Variants in MAP2 observed in about 807,000 individuals in gnomAD.
MAP2 encodes the protein microtubule associated protein 2.
In MAP2, 14 loss-of-function variants were observed where a neutral mutation model predicts 137.6. The observed-to-expected ratio is 0.10, with a 90% CI of 0.07 to 0.16. MAP2 has a LOEUF of 0.16. Ranked by LOEUF, MAP2 falls within the 10% of genes least tolerant of loss-of-function variation. The probability of loss-of-function intolerance (pLI) is 1.00; values close to 1 mark genes in which losing one functional copy is unlikely to be tolerated. For synonymous variants in MAP2, 786 were observed against 782.3 expected (o/e 1.00, Z -0.08); for missense variants, 2,088 against 2,191.5 (o/e 0.95, Z 0.94).
At chr2:209,584,910 C>T (rs1035609535) in intron 3 of MAP2, among the ~76,000 whole-genome samples, 1 of 152,144 alleles carries the variant, frequency 6.6e-6, no homozygotes, top group Non-Finnish European at 1.5e-5. Context: ...GAGAAAGTAG[C>T]TGAGAGCTAC....
intron 4 of MAP2, among the ~76,000 whole-genome samples, chr2:209,637,159 C>T (rs1048597905): frequency 6.6e-6 from 1 of 152,106 alleles, no homozygotes; most frequent in Non-Finnish European, 1.5e-5. Flanking sequence ...AGGAGCAGTT[C>T]TGGCCGGGTG....
chr2:209,646,883 G>A (rs1509469), intron 4 of MAP2, among the ~76,000 whole-genome samples: 34,153 of 151,804 alleles, frequency 0.22, 6,353 homozygotes, highest in African/African-American at 0.5. Flanking sequence ...TAAATTAATA[G>A]AACATTTGGT....
At chr2:209,585,683 A>G (rs1444216901) in intron 3 of MAP2, among the ~76,000 whole-genome samples, 1 of 152,136 alleles carries the variant, frequency 6.6e-6, no homozygotes, top group Non-Finnish European at 1.5e-5. Flanking sequence ...TTAAATCCCT[A>G]CTGTTTCCAG....
At chr2:209,462,617 GCT>G (rs906137965) in intron 1 of MAP2, among the ~76,000 whole-genome samples, 10 of 152,106 alleles carry the variant, frequency 6.6e-5, no homozygotes, top group Non-Finnish European at 1.5e-4. Context: ...ACCGCACCAT[GCT>G]CTTACTTTGG....
At chr2:209,588,590 A>G (rs2078383802) in intron 3 of MAP2, among the ~76,000 whole-genome samples, 1 of 152,156 alleles carries the variant, frequency 6.6e-6, no homozygotes. Flanking sequence ...CAAGGTGAAC[A>G]ATGGTTGTAC....
At chr2:209,710,497 GACTA>G in intron 13 of MAP2, 1 of 454,656 alleles carries the variant, frequency 2.2e-6, no homozygotes, top group Non-Finnish European at 3.9e-6. Flanking sequence ...TTAGTTGATT[GACTA>G]ACTTTTTTTT....
At chr2:209,513,190 A>G (rs1418576983) in intron 2 of MAP2, among the ~76,000 whole-genome samples, 1 of 152,146 alleles carries the variant, frequency 6.6e-6, no homozygotes, top group Non-Finnish European at 1.5e-5. Context: ...GCTTTCCAGA[A>G]TCAAGACAAA....
chr2:209,486,507 C>T (rs991468671), intron 1 of MAP2, among the ~76,000 whole-genome samples: 3 of 152,132 alleles, frequency 2.0e-5, no homozygotes, highest in African/African-American at 4.8e-5. Context: ...CGGGCATGAG[C>T]CGCCACACCC....
intron 13 of MAP2, among the ~76,000 whole-genome samples, chr2:209,719,270 G>A (rs1407427641): frequency 1.3e-5 from 2 of 152,160 alleles, no homozygotes; most frequent in South Asian, 2.1e-4. Flanking sequence ...GGATGCCTGA[G>A]GGGGTCTAGA....
At chr2:209,696,502 C>T in intron 8 of MAP2, 40 bp from the exon 9 acceptor site, 2 of 1,533,014 alleles carry the variant, frequency 1.3e-6, no homozygotes, top group Non-Finnish European at 1.8e-6. Context: ...CTAATGTTTT[C>T]ACTGTTGTTG....
At chr2:209,633,004 C>T (rs1357021186) in intron 4 of MAP2, among the ~76,000 whole-genome samples, 1 of 152,104 alleles carries the variant, frequency 6.6e-6, no homozygotes, top group Non-Finnish European at 1.5e-5. Context: ...GTCTAAAGCT[C>T]CAAACATATT....
At chr2:209,561,711 A>G (rs1014939209) in intron 2 of MAP2, among the ~76,000 whole-genome samples, 1 of 152,216 alleles carries the variant, frequency 6.6e-6, no homozygotes, top group African/African-American at 2.4e-5. Flanking sequence ...AAATTTTAAA[A>G]CAATCCAATC....
intron 7 of MAP2, among the ~76,000 whole-genome samples, chr2:209,688,709 C>T (rs2057918403): frequency 6.6e-6 from 1 of 152,106 alleles, no homozygotes; most frequent in Non-Finnish European, 1.5e-5. Flanking sequence ...CAATGTGTCT[C>T]ATTCTAACTA....
At chr2:209,433,128 A>G (rs562228355) in intron 1 of MAP2, among the ~76,000 whole-genome samples, 2 of 152,288 alleles carry the variant, frequency 1.3e-5, no homozygotes, top group East Asian at 3.9e-4. Flanking sequence ...AGAAGAAACC[A>G]CATAAATTCC....
In MAP2 at chr2:209,731,041, C is replaced by G. The variant is rs1354591845; in HGVS notation, c.*644C>G. The stretch of plus-strand genomic sequence containing the variant: ...TTGAGGAAGTGGTGTAAAAGTGCAT[C>G]CATTAGGAATGATGCACTTTCATTA... On this transcript the variant is annotated 3_prime_UTR_variant, in exon 16 of 16. Transcript: ENST00000682079. The G allele has an allele frequency of 6.6e-6, 1 of 152,594 alleles. No homozygotes were observed. The highest frequency in any genetic ancestry group is 1.5e-5 in the Non-Finnish European group (1 of 68,142). The allele number at this position is 152,594 out of a possible 1,614,324, so 9.5% of individuals were successfully genotyped here. A position where few individuals can be genotyped will look rare whatever the true frequency, so the allele number is the denominator to read the frequency against.
intron 3 of MAP2, among the ~76,000 whole-genome samples, chr2:209,617,842 T>G (rs1182356725): frequency 6.6e-6 from 1 of 152,194 alleles, no homozygotes; most frequent in Non-Finnish European, 1.5e-5. Flanking sequence ...CAGAGACACT[T>G]TGGCAGCATT....
intron 7 of MAP2, chr2:209,690,516 G>A: frequency 9.5e-7 from 1 of 1,051,214 alleles, no homozygotes; most frequent in Non-Finnish European, 1.2e-6. Context: ...TCATTCTAAT[G>A]GAGCTGAAAG....
chr2:209,481,261 G>A (rs1267966290), intron 1 of MAP2, among the ~76,000 whole-genome samples: 2 of 152,196 alleles, frequency 1.3e-5, no homozygotes, highest in East Asian at 3.9e-4. Context: ...TCTCCCAACA[G>A]AAGAATGCTT....
intron 4 of MAP2, among the ~76,000 whole-genome samples, chr2:209,646,726 A>G (rs1378553371): frequency 3.3e-5 from 5 of 152,140 alleles, no homozygotes; most frequent in Non-Finnish European, 5.9e-5. Flanking sequence ...TTGTTTTGCC[A>G]TAGTACCCAT....
Sources: allele counts gnomAD v4.1 joint callset (sites outside exome capture counted in the v4.1 genomes callset), GRCh38; gene constraint gnomAD v4.1.1; transcripts MANE v1.5; gene names NCBI Gene and HGNC (gene_info 2026-07-23, HGNC 2026-07-21).